Variants in SPG11 observed in about 807,000 individuals in gnomAD.
SPG11 encodes the protein SPG11 vesicle trafficking associated, spatacsin, also known as spatacsin.
In SPG11, 222 loss-of-function variants were observed where a neutral mutation model predicts 274.0. The ratio of observed to expected loss-of-function variants is 0.81; its 90% CI spans 0.73 to 0.91. The LOEUF (loss-of-function observed/expected upper bound fraction) is 0.91, where lower values mean the gene tolerates loss of function less well. Among genes scored for constraint, SPG11 ranks in the 40% least tolerant of loss-of-function variants. The probability of loss-of-function intolerance (pLI) is 0.00; values close to 1 mark genes in which losing one functional copy is unlikely to be tolerated. For synonymous variants in SPG11, 1,144 were observed against 1,039.7 expected (o/e 1.10, Z -1.93); for missense variants, 3,114 against 2,872.7 (o/e 1.08, Z -1.92).
intron 26 of SPG11, 79 bp downstream of exon 26, chr15:44,595,180 G>A (rs1225108188): frequency 3.5e-6 from 5 of 1,411,160 alleles, no homozygotes; most frequent in Non-Finnish European, 5.0e-6. Context: ...ATCCAGGGAT[G>A]GAAATAAGAA....
At chr15:44,637,885 G>C (rs1233791598) in intron 7 of SPG11, among the ~76,000 whole-genome samples, 2 of 152,214 alleles carry the variant, frequency 1.3e-5, no homozygotes, top group African/African-American at 4.8e-5. Context: ...GGAGACGATA[G>C]CTCCATGCAT....
intron 16 of SPG11, among the ~76,000 whole-genome samples, chr15:44,615,076 T>C (rs1251242985): frequency 2.0e-5 from 3 of 152,330 alleles, no homozygotes; most frequent in African/African-American, 7.2e-5. Context: ...AGAATCTTCC[T>C]CTCAAACCTT....
At chr15:44,608,748 G>T in intron 18 of SPG11, 143 bp from the exon 19 acceptor site, 1 of 745,636 alleles carries the variant, frequency 1.3e-6, no homozygotes, top group Non-Finnish European at 2.1e-6. Context: ...GTAGTCATAA[G>T]TTAACAGTTC....
rs774304399 is a variant in SPG11 at position 44,620,296 on chromosome 15, C to T, written c.2728G>A (p.Ala910Thr). 6.2e-7 allele frequency: 1 copy of T among 1,613,966 alleles called. No homozygotes were observed. Among genetic ancestry groups the T allele is most frequent in the Non-Finnish European group, 8.5e-7 (1 of 1,179,948 alleles). The stretch of plus-strand genomic sequence containing the variant: ...GGCCATTTGTTCTGCTGAAGTGAAG[C>T]ATAACTATGCTGGGTTTGAAATTCT... ...IGEFQTQHSY[A>T]SLQQNKWPLL... The change falls in exon 15 of 40, where the codon GCT becomes ACT. Residue 910 changes from alanine to threonine, a missense_variant. By Grantham distance (58) the Ala-to-Thr change is moderately conservative. Coordinates refer to ENST00000261866, the MANE Select transcript of SPG11 (RefSeq NM_025137.4).
Position 44,610,953 on chromosome 15 carries a change from T to C in SPG11, c.3178A>G (p.Asn1060Asp), listed in dbSNP as rs1567161567. ...TTGGTGGGAATCAAAATCTGAGCATTTGCAAGGCTAGCCTGGAAGATCAGT... is the reference window on the plus strand; with the variant it reads ...TTGGTGGGAATCAAAATCTGAGCATCTGCAAGGCTAGCCTGGAAGATCAGT... The part of the protein sequence containing the change: ...PKLIFQASLA[N>D]AQILIPTNQA... The change falls in exon 18 of 40, where the codon AAT (asparagine) becomes GAT (aspartate). Residue 1060 changes from asparagine to aspartate, a missense_variant. Asn to Asp is a conservative substitution (Grantham distance 23, BLOSUM62 1). Coordinates refer to ENST00000261866, the MANE Select transcript of SPG11 (RefSeq NM_025137.4). 1 of 1,613,838 alleles carries C rather than the reference T, an allele frequency of 6.2e-7. No homozygotes were observed.
At position 44,596,245 on chromosome 15, in the gene SPG11, G is replaced by A. The variant is rs776125480; in HGVS notation, c.4272C>T (p.Cys1424=). 4 of 1,614,000 alleles carry A rather than the reference G, an allele frequency of 2.5e-6. No homozygotes were observed. The East Asian group carries it at 8.9e-5, about 36-fold the overall frequency. ...PTSKMDSDQV[C]NKCPQELQGS... Reference sequence around the variant, plus strand: ...CTTGAAGTTCCTGGGGGCACTTATTGCAGACTTGATCGCTGTCCATTTTGG... The same window carrying A: ...CTTGAAGTTCCTGGGGGCACTTATTACAGACTTGATCGCTGTCCATTTTGG... Residue 1424 remains cysteine, a synonymous_variant, in exon 25 of 40, where the codon TGC becomes TGT. Coordinates refer to ENST00000261866, the MANE Select transcript of SPG11 (RefSeq NM_025137.4).
chr15:44,597,542 G>T (rs2083077177), intron 23 of SPG11, among the ~76,000 whole-genome samples: 1 of 152,164 alleles, frequency 6.6e-6, no homozygotes, highest in Non-Finnish European at 1.5e-5. Context: ...GGAGAACTGA[G>T]GAAGTTGTCA....
At chr15:44,631,162 A>G (rs989720568) in intron 8 of SPG11, among the ~76,000 whole-genome samples, 2 of 152,238 alleles carry the variant, frequency 1.3e-5, no homozygotes, top group Non-Finnish European at 2.9e-5. Flanking sequence ...ATGATTATAT[A>G]TATGTGAAAT....
In SPG11 at chr15:44,598,380, G is replaced by T; in HGVS notation, c.3893-7C>A. On this transcript the variant is annotated splice_region_variant and splice_polypyrimidine_tract_variant and intron_variant, in intron 22 of 39. Coordinates refer to ENST00000261866, the MANE Select transcript of SPG11 (RefSeq NM_025137.4). ...AGTTTAGATAGTTTTTCGGCTGTAA[G>T]AAATATAAACAACAAAATATGGTGA... 6.2e-7 allele frequency: 1 copy of T among 1,610,608 alleles called. No homozygotes were observed. The highest frequency in any genetic ancestry group is 1.1e-5 in the South Asian group (1 of 91,006).
chr15:44,610,547 G>A (rs190106345), intron 18 of SPG11, among the ~76,000 whole-genome samples: 49 of 151,372 alleles, frequency 3.2e-4, no homozygotes, highest in African/African-American at 1.1e-3. Flanking sequence ...GACGCCCAGT[G>A]AAGTTTTTTT....
At position 44,589,281 on chromosome 15, in the gene SPG11, A is replaced by C. The variant is rs553905886; in HGVS notation, c.4877T>G (p.Phe1626Cys). Residue 1626 changes from phenylalanine to cysteine, a missense_variant, in exon 28 of 40, where the codon TTT (phenylalanine) becomes TGT (cysteine). By Grantham distance (205) the Phe-to-Cys change is radical. Coordinates refer to ENST00000261866, the MANE Select transcript of SPG11 (RefSeq NM_025137.4). ...AGAGAAGAGATGCTCTCTTTCAACA[A>C]AGAGCTGTAAAAGCTTCCCCAGCTC... is the stretch of plus-strand genomic sequence containing the variant. ...QYELGKLLQL[F>C]VEREHLFSDG... 6.8e-6 allele frequency: 11 copies of C among 1,614,092 alleles called. No individual in the cohort carries two copies. Among genetic ancestry groups the C allele is most frequent in the Admixed American group, 6.7e-5 (4 of 60,024 alleles).
chr15:44,592,224 G>A, intron 27 of SPG11, 107 bp downstream of exon 27: 1 of 731,226 alleles, frequency 1.4e-6, no homozygotes, highest in Non-Finnish European at 2.5e-6. Context: ...GTAACACTGT[G>A]CCTGAGTAAC....
chr15:44,615,311 A>C, intron 16 of SPG11, 52 bp downstream of exon 16: 1 of 1,552,932 alleles, frequency 6.4e-7, no homozygotes, highest in South Asian at 1.1e-5. Flanking sequence ...AGTCATATGC[A>C]AAGAGAAAAT....
At chr15:44,655,224 T>C (rs1393729139) in intron 4 of SPG11, among the ~76,000 whole-genome samples, 1 of 152,170 alleles carries the variant, frequency 6.6e-6, no homozygotes, top group Non-Finnish European at 1.5e-5. Flanking sequence ...GCCCAGGAGT[T>C]TGAGTCCAGC....
At chr15:44,567,348 T>TC (rs1454681353) in intron 36 of SPG11, 76 bp downstream of exon 36, 1 of 1,118,596 alleles carries the variant, frequency 8.9e-7, no homozygotes, top group African/African-American at 2.1e-5. Context: ...AGACTCTGTC[T>TC]CAAAAAAAAA....
chr15:44,628,288 C>T (rs1244724588), intron 10 of SPG11, among the ~76,000 whole-genome samples: 1 of 152,032 alleles, frequency 6.6e-6, no homozygotes, highest in African/African-American at 2.4e-5. Flanking sequence ...TAAAAATTTC[C>T]AAAGATCTAA....
At chr15:44,574,434 G>C (rs2140930468) in intron 31 of SPG11, among the ~76,000 whole-genome samples, 1 of 152,292 alleles carries the variant, frequency 6.6e-6, no homozygotes, top group Middle Eastern at 3.4e-3. Flanking sequence ...GAGGGCTTTA[G>C]GGTTTGGCTT....
In SPG11 at chr15:44,622,727, C is replaced by T. The variant is rs312262740; in HGVS notation, c.2316+1G>A. The T allele has an allele frequency of 2.1e-5, 34 of 1,611,298 alleles. No homozygotes were observed. The highest frequency in any genetic ancestry group is 2.6e-5 in the Non-Finnish European group (31 of 1,177,736). On this transcript the variant is annotated splice_donor_variant, in intron 12 of 39. Coordinates refer to ENST00000261866, the MANE Select transcript of SPG11 (RefSeq NM_025137.4). LOFTEE classifies it high-confidence loss of function. ...TACTATGTAGTCTCACCTTTACCTA[C>T]CAAAAAGTCACGTATATTTTTATTA...
At chr15:44,596,660 CAAAAAAAAAAAAAAAAAA>C (rs5812279) in intron 24 of SPG11, 106 bp downstream of exon 24, 17 of 270,292 alleles carry the variant, frequency 6.3e-5, no homozygotes, top group Non-Finnish European at 7.4e-5. Context: ...GTATCCTGGT[CAAAAAAAAAAAAAAAAAA>C]AAAAAAAAAA....
Sources: gnomAD v4.1 joint callset for allele counts (sites outside exome capture counted in the v4.1 genomes callset) on GRCh38, gnomAD v4.1.1 for gene constraint, MANE v1.5 for transcripts, NCBI Gene and HGNC (gene_info 2026-07-23, HGNC 2026-07-21) for gene names.